SLC14A2: variants seen among roughly 807,000 people sequenced by gnomAD.
The protein encoded by SLC14A2 is solute carrier family 14 member 2, also known as urea transporter 2.
In SLC14A2, 91 loss-of-function variants were observed where a neutral mutation model predicts 104.6. That is an observed-to-expected ratio of 0.87 (90% CI 0.73 to 1.04). The LOEUF is 1.04. Among genes scored for constraint, SLC14A2 ranks in the 50% least tolerant of loss-of-function variants. The pLI, the probability that SLC14A2 is intolerant of heterozygous loss-of-function variation, is 0.00. For synonymous variants in SLC14A2, 476 were observed against 466.4 expected (o/e 1.02, Z -0.27); for missense variants, 1,189 against 1,156.0 (o/e 1.03, Z -0.41).
At chr18:45,559,117 G>A (rs568023713) in intron 2 of SLC14A2, among the ~76,000 whole-genome samples, 1 of 152,240 alleles carries the variant, frequency 6.6e-6, no homozygotes, top group South Asian at 2.1e-4. Context: ...GTCCAGCATT[G>A]TGCTAGGTGG....
At chr18:45,256,339 T>C (rs1407563542) in intron 1 of SLC14A2, among the ~76,000 whole-genome samples, 1 of 152,104 alleles carries the variant, frequency 6.6e-6, no homozygotes, top group Non-Finnish European at 1.5e-5. Context: ...GGGAAAAAAA[T>C]AAGTTGACAT....
chr18:45,331,611 A>C (rs1470309605), intron 1 of SLC14A2, among the ~76,000 whole-genome samples: 1 of 152,026 alleles, frequency 6.6e-6, no homozygotes, highest in Non-Finnish European at 1.5e-5. Context: ...GAATGGCATG[A>C]ACCCAGGAGG....
intron 1 of SLC14A2, among the ~76,000 whole-genome samples, chr18:45,477,568 T>A (rs951740455): frequency 3.9e-5 from 6 of 152,164 alleles, no homozygotes; most frequent in African/African-American, 1.4e-4. Flanking sequence ...TTAAGTCTAC[T>A]GAAGCTGCAC....
chr18:45,285,378 G>A lies in SLC14A2; in HGVS notation c.-125+72187G>A, dbSNP rs370580032. Among the ~76,000 whole-genome samples the A allele has an allele frequency of 1.2e-4, 18 of 152,178 alleles. No homozygotes were observed. In the South Asian group the frequency reaches 2.1e-3, roughly 18 times the overall value. Reference sequence around the variant, plus strand: ...GACTACAGTGGAGAACAGTTTGCACGCCAGGGATTGTTCCATCAGTCACTG... The same window carrying A: ...GACTACAGTGGAGAACAGTTTGCACACCAGGGATTGTTCCATCAGTCACTG... On this transcript the variant is annotated intron_variant, in intron 1 of 20. Transcript: ENST00000586448.
intron 2 of SLC14A2, among the ~76,000 whole-genome samples, chr18:45,588,184 A>G (rs2044595658): frequency 6.6e-6 from 1 of 152,196 alleles, no homozygotes; most frequent in African/African-American, 2.4e-5. Flanking sequence ...ATGTCTGATC[A>G]CTAGGGCTCT....
chr18:45,236,003 A>G (rs867208592), intron 1 of SLC14A2, among the ~76,000 whole-genome samples: 3 of 58,904 alleles, frequency 5.1e-5, no homozygotes, highest in Non-Finnish European at 5.7e-5. Context: ...ATATACATAT[A>G]TGTGTGTATA....
chr18:45,265,021 G>A (rs1005667679), intron 1 of SLC14A2, among the ~76,000 whole-genome samples: 7 of 152,118 alleles, frequency 4.6e-5, no homozygotes, highest in Admixed American at 4.6e-4. Flanking sequence ...AGAAGTTCAG[G>A]AGCAAGACAT....
intron 1 of SLC14A2, among the ~76,000 whole-genome samples, chr18:45,339,602 G>C (rs958483941): frequency 1.3e-5 from 2 of 152,060 alleles, no homozygotes; most frequent in African/African-American, 4.8e-5. Context: ...TATGCTATCT[G>C]CATTTTGAAG....
At chr18:45,245,608 A>G (rs1377704021) in intron 1 of SLC14A2, among the ~76,000 whole-genome samples, 3 of 152,208 alleles carry the variant, frequency 2.0e-5, no homozygotes, top group African/African-American at 2.4e-5. Context: ...CTTGGCCTTT[A>G]CTTTCTGGTC....
chr18:45,531,685 A>G (rs1164624098), intron 2 of SLC14A2, among the ~76,000 whole-genome samples: 4 of 152,058 alleles, frequency 2.6e-5, no homozygotes, highest in East Asian at 1.9e-4. Flanking sequence ...CTTTTGCTGT[A>G]CAGAAGCTCT....
intron 1 of SLC14A2, among the ~76,000 whole-genome samples, chr18:45,392,564 T>A (rs1242503898): frequency 6.6e-6 from 1 of 152,224 alleles, no homozygotes; most frequent in African/African-American, 2.4e-5. Flanking sequence ...TATACCATGC[T>A]TACATCAAGA....
At chr18:45,334,680 G>A (rs1436690418) in intron 1 of SLC14A2, among the ~76,000 whole-genome samples, 1 of 152,102 alleles carries the variant, frequency 6.6e-6, no homozygotes, top group Non-Finnish European at 1.5e-5. Context: ...CCATAAAATA[G>A]GTTAAAAATT....
At chr18:45,204,077 T>A in the SLC14A2 span, among the ~76,000 whole-genome samples, 1 of 152,202 alleles carries the variant, frequency 6.6e-6, no homozygotes. Flanking sequence ...TGATATGTGA[T>A]AATTGTGGTA....
intron 1 of SLC14A2, among the ~76,000 whole-genome samples, chr18:45,228,647 A>G (rs1215560531): frequency 6.6e-6 from 1 of 152,122 alleles, no homozygotes; most frequent in Non-Finnish European, 1.5e-5. Flanking sequence ...ATCCTTCACT[A>G]ACCTGCAGGG....
chr18:45,641,099 TG>T, intron 7 of SLC14A2, 109 bp from the exon 8 acceptor site: 1 of 1,108,452 alleles, frequency 9.0e-7, no homozygotes, highest in Non-Finnish European at 1.3e-6. Context: ...GGTTTGGAGA[TG>T]TGGGGTGAAC....
chr18:45,561,528 G>A (rs1412949526), intron 2 of SLC14A2, among the ~76,000 whole-genome samples: 1 of 152,144 alleles, frequency 6.6e-6, no homozygotes, highest in Non-Finnish European at 1.5e-5. Flanking sequence ...GCAGCCCGTT[G>A]GGTGGCTATC....
intron 2 of SLC14A2, among the ~76,000 whole-genome samples, chr18:45,501,258 G>T (rs930624161): frequency 6.6e-6 from 1 of 152,174 alleles, no homozygotes; most frequent in African/African-American, 2.4e-5. Flanking sequence ...GCCAGGAAAA[G>T]AGAGTGACTC....
intron 1 of SLC14A2, among the ~76,000 whole-genome samples, chr18:45,238,884 A>G (rs1162868157): frequency 1.3e-5 from 2 of 152,208 alleles, no homozygotes; most frequent in African/African-American, 2.4e-5. Flanking sequence ...ATTAATACCT[A>G]GAAGGCGTTG....
At chr18:45,552,350 C>T (rs1281983239) in intron 2 of SLC14A2, among the ~76,000 whole-genome samples, 1 of 152,164 alleles carries the variant, frequency 6.6e-6, no homozygotes, top group African/African-American at 2.4e-5. Flanking sequence ...TGCAGCTGGG[C>T]CCTGCCAGCC....
Sources: gnomAD v4.1 joint callset for allele counts (sites outside exome capture counted in the v4.1 genomes callset) on GRCh38, gnomAD v4.1.1 for gene constraint, MANE v1.5 for transcripts, NCBI Gene and HGNC (gene_info 2026-07-23, HGNC 2026-07-21) for gene names.